The following APPL2 variants were observed in gnomAD, a reference collection of about 807,000 sequenced individuals.
APPL2 encodes the protein adaptor protein, phosphotyrosine interacting with PH domain and leucine zipper 2, also known as DCC-interacting protein 13-beta.
APPL2 carries 84 observed loss-of-function variants against 92.7 expected under a neutral mutation model. The ratio of observed to expected loss-of-function variants is 0.91; its 90% CI spans 0.76 to 1.09. APPL2 has a LOEUF of 1.09. Ranked by LOEUF, APPL2 falls within the 50% of genes least tolerant of loss-of-function variation. The pLI is 0.00. For synonymous variants in APPL2, 291 were observed against 291.0 expected (o/e 1.00, Z 0.00); for missense variants, 736 against 824.5 (o/e 0.89, Z 1.31).
intron 1 of APPL2, chr12:105,233,314 G>A (rs1891054090): frequency 3.0e-6 from 3 of 985,344 alleles, no homozygotes; most frequent in South Asian, 4.7e-5. Context: ...CAACAATGGA[G>A]GCAGATTTCT....
At chr12:105,183,577 T>G (rs553593199) in intron 17 of APPL2, among the ~76,000 whole-genome samples, 1 of 152,364 alleles carries the variant, frequency 6.6e-6, no homozygotes, top group African/African-American at 2.4e-5. Context: ...GAATGTTAAA[T>G]GTGTGCCCCC....
intron 2 of APPL2, among the ~76,000 whole-genome samples, chr12:105,222,895 G>A (rs1890212785): frequency 6.6e-6 from 1 of 152,230 alleles, no homozygotes; most frequent in South Asian, 2.1e-4. Context: ...CAGGCTTGCG[G>A]TCAGTCTCAG....
chr12:105,188,506 ATACCAGGG>A, intron 16 of APPL2, 59 bp from the exon 17 acceptor site: 1 of 1,580,462 alleles, frequency 6.3e-7, no homozygotes, highest in Non-Finnish European at 8.7e-7. Context: ...GTTGATCTGC[ATACCAGGG>A]TCAGATGTGC....
intron 17 of APPL2, among the ~76,000 whole-genome samples, chr12:105,186,636 C>CGATATCAT (rs1491368321): frequency 1.1e-5 from 1 of 88,650 alleles, no homozygotes; most frequent in East Asian, 2.8e-4. Flanking sequence ...TCATATATAT[C>CGATATCAT]ATATATATGA....
intron 8 of APPL2, 119 bp downstream of exon 8, chr12:105,206,942 C>T: frequency 3.8e-6 from 5 of 1,312,078 alleles, no homozygotes; most frequent in South Asian, 3.0e-5. Context: ...ACAAAGTAGC[C>T]AGGGAGATTG....
chr12:105,220,478 T>C (rs1890014603), intron 2 of APPL2, among the ~76,000 whole-genome samples: 1 of 152,246 alleles, frequency 6.6e-6, no homozygotes, highest in Non-Finnish European at 1.5e-5. Context: ...CCCATTCTTT[T>C]GCCACACCCT....
chr12:105,208,828 C>T (rs889797985), intron 5 of APPL2, among the ~76,000 whole-genome samples: 2 of 152,086 alleles, frequency 1.3e-5, no homozygotes, highest in South Asian at 2.1e-4. Flanking sequence ...GAGCAGTGAC[C>T]GTCCAAGGTT....
intron 4 of APPL2, among the ~76,000 whole-genome samples, chr12:105,215,030 C>A (rs1236774591): frequency 1.3e-5 from 2 of 152,208 alleles, no homozygotes; most frequent in Non-Finnish European, 2.9e-5. Context: ...CTATGTATCA[C>A]TTAATCTGGC....
intron 20 of APPL2, 116 bp downstream of exon 20, chr12:105,175,919 C>T: frequency 9.8e-7 from 1 of 1,023,408 alleles, no homozygotes. Context: ...AAAAGGAAAT[C>T]CCAAACTTGG....
In APPL2 at chr12:105,188,192, A is replaced by G. The variant is rs1424422238; in HGVS notation, c.1634+81T>C. 4.1e-6 allele frequency: 6 copies of G among 1,478,814 alleles called. No homozygotes were observed. In the East Asian group the frequency reaches 1.1e-4, roughly 28 times the overall value. The allele number at this position is 1,478,814 out of a possible 1,614,324, so 91.6% of individuals were successfully genotyped here. On this transcript the variant is annotated intron_variant, in intron 17 of 20. Coordinates refer to ENST00000258530, the MANE Select transcript of APPL2 (RefSeq NM_018171.5). ...AGAGTAGTCTCTTCATTCCAGTACT[A>G]ACATTTCAGATGGGTGCATTAGCCT...
At chr12:105,185,648 G>C (rs1478132917) in intron 17 of APPL2, among the ~76,000 whole-genome samples, 1 of 152,032 alleles carries the variant, frequency 6.6e-6, no homozygotes, top group East Asian at 1.9e-4. Flanking sequence ...CCTGCCTTCT[G>C]TGTTGGTCTC....
Position 105,174,135 on chromosome 12 carries a change from G to A in APPL2, c.*179C>T, listed in dbSNP as rs532891730. ...AATAACATTGTAGATGGGTGGGAAC[G>A]CTGTCAACCATTTCTTAGTTTCCCT... On this transcript the variant is annotated 3_prime_UTR_variant, in exon 21 of 21. Transcript: ENST00000258530. The A allele has an allele frequency of 3.1e-5, 21 of 674,948 alleles. No homozygotes were observed. Among genetic ancestry groups the A allele is most frequent in the South Asian group, 9.7e-5 (4 of 41,268 alleles). 41.8% of individuals were successfully genotyped at this position (674,948 alleles called of 1,614,324 possible). A position where few individuals can be genotyped will look rare whatever the true frequency, so the allele number is the denominator to read the frequency against.
intron 14 of APPL2, among the ~76,000 whole-genome samples, chr12:105,190,585 C>T (rs1887110976): frequency 6.6e-6 from 1 of 152,242 alleles, no homozygotes. Flanking sequence ...TCCTTTAATG[C>T]ACCCTCTACG....
At chr12:105,177,925 G>C (rs532767187) in intron 17 of APPL2, among the ~76,000 whole-genome samples, 153 of 152,166 alleles carry the variant, frequency 1.0e-3, no homozygotes, top group African/African-American at 3.6e-3. Flanking sequence ...TGAGTAGCTG[G>C]GATTACAGGT....
At chr12:105,225,688 C>T (rs1263467523) in intron 2 of APPL2, among the ~76,000 whole-genome samples, 1 of 152,168 alleles carries the variant, frequency 6.6e-6, no homozygotes, top group Non-Finnish European at 1.5e-5. Context: ...TATTGCCAGA[C>T]GTGACTCCAG....
intron 4 of APPL2, among the ~76,000 whole-genome samples, chr12:105,213,421 T>TA (rs1437166400): frequency 6.6e-6 from 1 of 152,224 alleles, no homozygotes; most frequent in Non-Finnish European, 1.5e-5. Flanking sequence ...CTTGCATGGC[T>TA]AAGGCATGTG....
intron 9 of APPL2, among the ~76,000 whole-genome samples, chr12:105,200,576 C>A (rs1592790290): frequency 6.6e-6 from 1 of 152,180 alleles, no homozygotes; most frequent in African/African-American, 2.4e-5. Flanking sequence ...CCGCACCAGG[C>A]CACCCCACCC....
At chr12:105,181,874 T>A (rs2135903482) in intron 17 of APPL2, among the ~76,000 whole-genome samples, 1 of 152,358 alleles carries the variant, frequency 6.6e-6, no homozygotes, top group East Asian at 1.9e-4. Context: ...TTAGTCTGGC[T>A]AGCAGTCTAT....
In APPL2 at chr12:105,180,610, T is replaced by C. The variant is rs1160173336; in HGVS notation, c.1635-3348A>G. On this transcript the variant is annotated intron_variant, in intron 17 of 20. Transcript: ENST00000258530. ...TTCCTATCCATGAGCATGGCATGTTTTTCCATTTGTTTGTGTCCTCTCTTA... is the reference window on the plus strand; with the variant it reads ...TTCCTATCCATGAGCATGGCATGTTCTTCCATTTGTTTGTGTCCTCTCTTA... Among the ~76,000 whole-genome samples, 5 of 152,322 alleles carry C rather than the reference T, an allele frequency of 3.3e-5. No individual in the cohort carries two copies. In the South Asian group the frequency reaches 6.2e-4, roughly 19 times the overall value.
Sources: allele counts gnomAD v4.1 joint callset (sites outside exome capture counted in the v4.1 genomes callset), GRCh38; gene constraint gnomAD v4.1.1; transcripts MANE v1.5; gene names NCBI Gene and HGNC (gene_info 2026-07-23, HGNC 2026-07-21).